The following ARPP21 variants were observed in gnomAD, a reference collection of about 807,000 sequenced individuals.
ARPP21 encodes cAMP regulated phosphoprotein 21.
Under a neutral mutation model 113.2 loss-of-function variants are expected in ARPP21, and 69 were observed. The ratio of observed to expected loss-of-function variants is 0.61; its 90% CI spans 0.50 to 0.74. The LOEUF (loss-of-function observed/expected upper bound fraction) is 0.74, where lower values mean the gene tolerates loss of function less well. Among genes scored for constraint, ARPP21 ranks in the 30% least tolerant of loss-of-function variants. The pLI, the probability that ARPP21 is intolerant of heterozygous loss-of-function variation, is 0.00. For missense variants in ARPP21, 1,070 were observed against 1,037.4 expected, an observed-to-expected ratio of 1.03 and a Z score of -0.43; for synonymous variants, 368 against 375.5, an observed-to-expected ratio of 0.98 and a Z score of 0.23.
At chr3:35,692,928 G>T (rs1483381357) in intron 9 of ARPP21, among the ~76,000 whole-genome samples, 1 of 151,554 alleles carries the variant, frequency 6.6e-6, no homozygotes, top group Non-Finnish European at 1.5e-5. Context: ...TTAAATCCTT[G>T]TGTTTCCTGC....
At position 35,707,392 on chromosome 3, in the gene ARPP21, T is replaced by G. The variant is rs910494668; in HGVS notation, c.795+310T>G. On this transcript the variant is annotated intron_variant, in intron 10 of 20. Coordinates refer to ENST00000684406, the MANE Select transcript of ARPP21 (RefSeq NM_001385562.1). Reference sequence around the variant, plus strand: ...CAGGCTCCGAGCTGTGGAGAAAAGCTTTGTCAGTCGCATATCCAGATGTCT... The same window carrying G: ...CAGGCTCCGAGCTGTGGAGAAAAGCGTTGTCAGTCGCATATCCAGATGTCT... The G allele has an allele frequency of 3.3e-5, 18 of 541,266 alleles. No individual in the cohort carries two copies. The Admixed American group carries it at 3.3e-4, about 10-fold the overall frequency. 33.5% of individuals were successfully genotyped at this position (541,266 alleles called of 1,614,324 possible). A position where few individuals can be genotyped will look rare whatever the true frequency, so the allele number is the denominator to read the frequency against.
At chr3:35,674,345 C>T (rs2077000431) in intron 1 of ARPP21, among the ~76,000 whole-genome samples, 3 of 151,826 alleles carry the variant, frequency 2.0e-5, no homozygotes, top group Admixed American at 2.0e-4. Context: ...CACAAGATCC[C>T]AACAGTATTA....
At chr3:35,755,887 G>A (rs563331451) in intron 19 of ARPP21, among the ~76,000 whole-genome samples, 2 of 152,178 alleles carry the variant, frequency 1.3e-5, no homozygotes, top group African/African-American at 2.4e-5. Flanking sequence ...AACTTTAGTG[G>A]TATTCCAATT....
chr3:35,687,020 CTAAAA>C (rs1311221519), intron 5 of ARPP21, among the ~76,000 whole-genome samples: 2 of 150,912 alleles, frequency 1.3e-5, no homozygotes, highest in African/African-American at 4.9e-5. Context: ...CTAACTGATG[CTAAAA>C]TAAAATAATA....
intron 19 of ARPP21, among the ~76,000 whole-genome samples, chr3:35,779,333 A>C (rs1490286313): frequency 6.6e-6 from 1 of 152,202 alleles, no homozygotes; most frequent in African/African-American, 2.4e-5. Flanking sequence ...GTGAGCATTC[A>C]GGAAGCAAAA....
intron 14 of ARPP21, among the ~76,000 whole-genome samples, chr3:35,723,118 G>C (rs914630552): frequency 2.6e-5 from 4 of 152,116 alleles, no homozygotes; most frequent in Admixed American, 2.6e-4. Context: ...TGACAGGTGA[G>C]TGGGAGGCCA....
intron 1 of ARPP21, among the ~76,000 whole-genome samples, chr3:35,663,758 G>C (rs1708893430): frequency 6.6e-6 from 1 of 152,124 alleles, no homozygotes; most frequent in Non-Finnish European, 1.5e-5. Context: ...AGTAATGCTG[G>C]GCCATATACT....
At chr3:35,698,527 A>G (rs1204853333) in intron 9 of ARPP21, among the ~76,000 whole-genome samples, 1 of 151,634 alleles carries the variant, frequency 6.6e-6, no homozygotes, top group Non-Finnish European at 1.5e-5. Context: ...ATGACATCCT[A>G]GGTAGATAAA....
chr3:35,668,445 G>A (rs1367693487), intron 1 of ARPP21, among the ~76,000 whole-genome samples: 1 of 151,938 alleles, frequency 6.6e-6, no homozygotes, highest in Non-Finnish European at 1.5e-5. Context: ...GAGCAATCAT[G>A]GCCTAATCTG....
rs376190027 is a variant in ARPP21, at chr3:35,657,101, C to T, written c.-213+16703C>T. The stretch of plus-strand genomic sequence containing the variant: ...GGTACCCTTCCCCTATTTTCTCATT[C>T]GGTATTTTTCTTAGAATCCTTTCCT... On this transcript the variant is annotated intron_variant, in intron 1 of 20. Coordinates refer to ENST00000684406, the MANE Select transcript of ARPP21 (RefSeq NM_001385562.1). Among the ~76,000 whole-genome samples, 17 of 152,050 alleles carry T rather than the reference C, an allele frequency of 1.1e-4. No individual in the cohort carries two copies. The South Asian group carries it at 1.7e-3, about 15-fold the overall frequency.
intron 19 of ARPP21, 63 bp from the exon 20 acceptor site, chr3:35,792,319 C>A: frequency 6.7e-7 from 1 of 1,490,506 alleles, no homozygotes; most frequent in Non-Finnish European, 9.3e-7. Context: ...AGTAGTTTTA[C>A]CCCATGAAAC....
At chr3:35,753,552 T>C (rs2095473333) in intron 19 of ARPP21, among the ~76,000 whole-genome samples, 1 of 151,992 alleles carries the variant, frequency 6.6e-6, no homozygotes, top group Non-Finnish European at 1.5e-5. Flanking sequence ...TTTCCTTCAA[T>C]CATTTCAGTT....
At chr3:35,753,852 T>G (rs148172090) in intron 19 of ARPP21, among the ~76,000 whole-genome samples, 2 of 151,952 alleles carry the variant, frequency 1.3e-5, no homozygotes, top group Admixed American at 1.3e-4. Flanking sequence ...GGGCAAAATG[T>G]ACCTTAATGG....
chr3:35,667,885 A>AGAGGAAGAGGAAGAG (rs1553645946), intron 1 of ARPP21, among the ~76,000 whole-genome samples: 2 of 97,662 alleles, frequency 2.0e-5, no homozygotes, highest in East Asian at 2.7e-4. Context: ...AAGAAGAAGA[A>AGAGGAAGAGGAAGAG]GAAGAGGAAG....
At chr3:35,775,026 AAT>A (rs1178414215) in intron 19 of ARPP21, 2 of 152,120 alleles carry the variant, frequency 1.3e-5, no homozygotes, top group Non-Finnish European at 2.9e-5. Flanking sequence ...TAGTAAGTAA[AAT>A]ATGTCAATTT....
chr3:35,668,426 T>C (rs1020227837), intron 1 of ARPP21, among the ~76,000 whole-genome samples: 1 of 152,026 alleles, frequency 6.6e-6, no homozygotes, highest in African/African-American at 2.4e-5. Flanking sequence ...CTGGAGTCTC[T>C]GAAGTGTAGA....
intron 1 of ARPP21, 120 bp from the exon 2 acceptor site, chr3:35,679,667 C>T (rs768078647): frequency 6.6e-6 from 1 of 151,872 alleles, no homozygotes; most frequent in Non-Finnish European, 1.5e-5. Context: ...CTGGATCAAG[C>T]TGTGAACGTG....
At chr3:35,712,719 G>T (rs1380780480) in intron 11 of ARPP21, among the ~76,000 whole-genome samples, 1 of 151,966 alleles carries the variant, frequency 6.6e-6, no homozygotes, top group East Asian at 1.9e-4. Flanking sequence ...CATTATTTGA[G>T]AACTAAATAG....
At chr3:35,698,048 G>GA (rs1052749096) in intron 9 of ARPP21, among the ~76,000 whole-genome samples, 2 of 151,566 alleles carry the variant, frequency 1.3e-5, no homozygotes, top group African/African-American at 4.8e-5. Flanking sequence ...GAATGGCAGT[G>GA]AAAATCATCT....
Sources: allele counts gnomAD v4.1 joint callset (sites outside exome capture counted in the v4.1 genomes callset), GRCh38; gene constraint gnomAD v4.1.1; transcripts MANE v1.5; gene names NCBI Gene and HGNC (gene_info 2026-07-23, HGNC 2026-07-21).